Variants in ADAMTSL3 observed in about 807,000 individuals in gnomAD.
ADAMTSL3 encodes the protein ADAMTS-like protein 3.
A neutral mutation model predicts 201.7 loss-of-function variants in ADAMTSL3; 128 were observed. That is an observed-to-expected ratio of 0.63 (90% CI 0.55 to 0.73). ADAMTSL3 has a LOEUF of 0.73. ADAMTSL3 is among the 30% of genes least tolerant of loss of function. ADAMTSL3 has a pLI of 0.00. For synonymous variants in ADAMTSL3, 738 were observed against 748.4 expected (o/e 0.99, Z 0.23); for missense variants, 1,990 against 2,119.6 (o/e 0.94, Z 1.20).
intron 20 of ADAMTSL3, 60 bp downstream of exon 20, chr15:83,970,697 T>C (rs146054245): frequency 1.7e-5 from 27 of 1,586,272 alleles, no homozygotes; most frequent in Non-Finnish European, 1.2e-5. Context: ...TTTGTCCCGA[T>C]GTCTTTATTT....
intron 24 of ADAMTSL3, among the ~76,000 whole-genome samples, chr15:84,015,603 C>T (rs986137995): frequency 6.6e-6 from 1 of 152,152 alleles, no homozygotes; most frequent in African/African-American, 2.4e-5. Flanking sequence ...TTTTGGTGCT[C>T]TCCCTGCTAC....
chr15:83,794,005 C>G (rs145516624), intron 4 of ADAMTSL3, among the ~76,000 whole-genome samples: 30 of 152,102 alleles, frequency 2.0e-4, no homozygotes, highest in Non-Finnish European at 3.5e-4. Context: ...ACAAAGGACA[C>G]GAATGGATAT....
At chr15:83,857,358 C>A (rs1381484103) in intron 7 of ADAMTSL3, among the ~76,000 whole-genome samples, 1 of 152,086 alleles carries the variant, frequency 6.6e-6, no homozygotes, top group Non-Finnish European at 1.5e-5. Flanking sequence ...GTTTCCTGTG[C>A]TTTTAGTGTC....
intron 7 of ADAMTSL3, among the ~76,000 whole-genome samples, chr15:83,851,574 A>T (rs1398824833): frequency 6.6e-6 from 1 of 152,184 alleles, no homozygotes; most frequent in Non-Finnish European, 1.5e-5. Context: ...TTTCTAATTT[A>T]TATGTATTTT....
intron 4 of ADAMTSL3, among the ~76,000 whole-genome samples, chr15:83,784,081 G>A (rs2063221166): frequency 6.6e-6 from 1 of 152,150 alleles, no homozygotes; most frequent in Admixed American, 6.5e-5. Context: ...TTGCCTTTGT[G>A]TCAGTGAATC....
intron 2 of ADAMTSL3, among the ~76,000 whole-genome samples, chr15:83,665,144 A>C (rs1037091815): frequency 1.3e-5 from 2 of 152,262 alleles, no homozygotes; most frequent in Admixed American, 1.3e-4. Context: ...AGCTGTGGAC[A>C]AGAGGATATG....
At chr15:83,824,428 A>G (rs1567170474) in intron 6 of ADAMTSL3, among the ~76,000 whole-genome samples, 1 of 152,064 alleles carries the variant, frequency 6.6e-6, no homozygotes, top group Non-Finnish European at 1.5e-5. Context: ...TACTATCAAC[A>G]TTCCCCACTA....
chr15:83,740,890 A>T (rs565490873), intron 3 of ADAMTSL3, among the ~76,000 whole-genome samples: 1 of 152,232 alleles, frequency 6.6e-6, no homozygotes, highest in East Asian at 1.9e-4. Context: ...CCAAATTCCT[A>T]AAAAATACAG....
rs10536633 is a variant in ADAMTSL3 at position 83,704,965 on chromosome 15, A to AGTGTGT, written c.189+486_189+491dup. Among the ~76,000 whole-genome samples, 528 of 147,662 alleles carry AGTGTGT rather than the reference A, an allele frequency of 3.6e-3. 2 individuals carry two copies. The highest frequency in any genetic ancestry group is 8.8e-3 in the African/African-American group (352 of 39,834). ...ATGCCTGTGTGTGCATATGTCTGTG[A>AGTGTGT]GTGTGTGTGTGTGTGTGTGTGTGTG... is the stretch of plus-strand genomic sequence containing the variant. On this transcript the variant is annotated intron_variant, in intron 3 of 29. Coordinates refer to ENST00000286744, the MANE Select transcript of ADAMTSL3 (RefSeq NM_207517.3).
chr15:84,003,155 T>A (rs1054058043), intron 23 of ADAMTSL3, among the ~76,000 whole-genome samples: 1 of 151,914 alleles, frequency 6.6e-6, no homozygotes. Context: ...CTCGCTGTGC[T>A]GCCAAGGCTG....
intron 13 of ADAMTSL3, among the ~76,000 whole-genome samples, chr15:83,896,869 AT>A (rs1181734057): frequency 1.3e-5 from 2 of 152,152 alleles, no homozygotes; most frequent in African/African-American, 2.4e-5. Flanking sequence ...ACTTACAGTG[AT>A]GGTGGAGGGT....
At chr15:83,971,558 C>CAA (rs68134290) in intron 20 of ADAMTSL3, among the ~76,000 whole-genome samples, 2,927 of 63,460 alleles carry the variant, frequency 0.046, 196 homozygotes, top group African/African-American at 0.16. Flanking sequence ...GACTCTGTCT[C>CAA]AAAAAAAAAA....
chr15:83,944,343 A>C (rs927933350), intron 19 of ADAMTSL3, among the ~76,000 whole-genome samples: 4 of 152,174 alleles, frequency 2.6e-5, no homozygotes, highest in South Asian at 4.1e-4. Context: ...ACAGATTCCA[A>C]AACACATAAT....
At chr15:83,867,110 AAG>A (rs1202904526) in intron 8 of ADAMTSL3, among the ~76,000 whole-genome samples, 3 of 152,216 alleles carry the variant, frequency 2.0e-5, no homozygotes, top group Non-Finnish European at 4.4e-5. Flanking sequence ...TTATTTGTAA[AAG>A]AGATATTTCT....
chr15:83,976,807 C>G (rs1325173300), intron 20 of ADAMTSL3, among the ~76,000 whole-genome samples: 1 of 152,158 alleles, frequency 6.6e-6, no homozygotes, highest in Admixed American at 6.5e-5. Flanking sequence ...TCACCTCCTG[C>G]TGTGAGGCCT....
chr15:83,714,868 CCCTCCCTCCCTTCCTTCCTT>C (rs1204338903), intron 3 of ADAMTSL3, among the ~76,000 whole-genome samples: 30 of 11,472 alleles, frequency 2.6e-3, no homozygotes, highest in South Asian at 0.026. Context: ...CTCCCTCCCT[CCCTCCCTCCCTTCCTTCCTT>C]CCTTCCTTCC....
At chr15:83,883,142 C>CTATTTTATTTTATTT (rs201289538) in intron 9 of ADAMTSL3, among the ~76,000 whole-genome samples, 1 of 37,346 alleles carries the variant, frequency 2.7e-5, no homozygotes, top group Non-Finnish European at 4.6e-5. Flanking sequence ...AATACTATTT[C>CTATTTTATTTTATTT]TATTTTATTT....
At chr15:83,867,938 G>C (rs988963352) in intron 8 of ADAMTSL3, among the ~76,000 whole-genome samples, 29 of 152,172 alleles carry the variant, frequency 1.9e-4, no homozygotes, top group African/African-American at 6.3e-4. Context: ...GGCATCACTA[G>C]AGACCTGAGT....
intron 23 of ADAMTSL3, among the ~76,000 whole-genome samples, chr15:83,999,322 C>CT (rs1376201329): frequency 2.0e-5 from 3 of 152,118 alleles, no homozygotes; most frequent in Non-Finnish European, 4.4e-5. Flanking sequence ...AAGAAACCTT[C>CT]TTATGCATAT....
Sources: gnomAD v4.1 joint callset for allele counts (sites outside exome capture counted in the v4.1 genomes callset) on GRCh38, gnomAD v4.1.1 for gene constraint, MANE v1.5 for transcripts, NCBI Gene and HGNC (gene_info 2026-07-23, HGNC 2026-07-21) for gene names.